Variants in RIN2 observed in about 807,000 individuals in gnomAD.
RIN2 encodes RAB5 interacting protein 2.
RIN2 carries 36 observed loss-of-function variants against 78.0 expected under a neutral mutation model. That is an observed-to-expected ratio of 0.46 (90% confidence interval 0.35 to 0.61). RIN2 has a LOEUF of 0.61. RIN2 is among the 20% of genes least tolerant of loss of function. RIN2 has a pLI of 0.00. For missense variants in RIN2, 1,087 were observed against 1,159.7 expected (o/e 0.94, Z 0.91); for synonymous variants, 466 against 466.8 (o/e 1.00, Z 0.02).
chr20:19,787,353 G>T (rs145239882), intron 1 of RIN2, among the ~76,000 whole-genome samples: 7 of 150,406 alleles, frequency 4.7e-5, no homozygotes, highest in African/African-American at 1.7e-4. Flanking sequence ...AACCCAGGAG[G>T]CAGAGGTTGC....
intron 2 of RIN2, among the ~76,000 whole-genome samples, chr20:19,887,756 A>C (rs1027745042): frequency 1.3e-5 from 2 of 152,240 alleles, no homozygotes; most frequent in Non-Finnish European, 2.9e-5. Flanking sequence ...AGTCTGGATG[A>C]GGAATGAAGT....
intron 3 of RIN2, among the ~76,000 whole-genome samples, chr20:19,904,130 G>A (rs1419326477): frequency 6.6e-6 from 1 of 151,818 alleles, no homozygotes; most frequent in African/African-American, 2.4e-5. Context: ...CACTCGGGAG[G>A]CTGAGGCAGG....
intron 3 of RIN2, among the ~76,000 whole-genome samples, chr20:19,933,220 G>A (rs2146110008): frequency 6.6e-6 from 1 of 152,198 alleles, no homozygotes; most frequent in South Asian, 2.1e-4. Context: ...CCTACTTAAG[G>A]CCTTCCAATG....
intron 1 of RIN2, among the ~76,000 whole-genome samples, chr20:19,764,291 T>G (rs2033772937): frequency 6.6e-6 from 1 of 152,248 alleles, no homozygotes; most frequent in African/African-American, 2.4e-5. Flanking sequence ...AAGAATACTT[T>G]TAAAACATGA....
chr20:19,845,331 C>G (rs1325769574), intron 2 of RIN2, among the ~76,000 whole-genome samples: 2 of 152,158 alleles, frequency 1.3e-5, no homozygotes, highest in African/African-American at 2.4e-5. Context: ...GATGGTTGAA[C>G]TAATTTACAC....
chr20:19,995,674 AG>A (rs1166637427), intron 11 of RIN2, among the ~76,000 whole-genome samples: 1 of 152,120 alleles, frequency 6.6e-6, no homozygotes, highest in African/African-American at 2.4e-5. Context: ...ATGTTATGTT[AG>A]TCCCAAAGGA....
At chr20:19,771,990 C>T (rs2122425009) in intron 1 of RIN2, among the ~76,000 whole-genome samples, 1 of 152,296 alleles carries the variant, frequency 6.6e-6, no homozygotes, top group East Asian at 1.9e-4. Context: ...ACTACCAAGC[C>T]ACCTGCATGC....
intron 9 of RIN2, among the ~76,000 whole-genome samples, chr20:19,986,920 A>G (rs1389202754): frequency 6.6e-6 from 1 of 152,246 alleles, no homozygotes; most frequent in Non-Finnish European, 1.5e-5. Context: ...GATCCAGAAC[A>G]TCTCTAATCC....
intron 1 of RIN2, among the ~76,000 whole-genome samples, chr20:19,760,312 G>A (rs1010107355): frequency 6.6e-6 from 1 of 152,162 alleles, no homozygotes; most frequent in African/African-American, 2.4e-5. Context: ...GAGACACGGG[G>A]AAAACCAACC....
chr20:19,961,288 T>G (rs1332049670), intron 6 of RIN2, among the ~76,000 whole-genome samples: 1 of 152,204 alleles, frequency 6.6e-6, no homozygotes, highest in African/African-American at 2.4e-5. Flanking sequence ...TTCTATGAAA[T>G]GCAGCTAATC....
At chr20:19,904,194 T>C (rs1255516081) in intron 3 of RIN2, among the ~76,000 whole-genome samples, 1 of 150,010 alleles carries the variant, frequency 6.7e-6, no homozygotes, top group Non-Finnish European at 1.5e-5. Context: ...ATCATGCCAT[T>C]GCACTCCAGC....
At chr20:19,763,112 C>CAGTG (rs1374237200) in intron 1 of RIN2, among the ~76,000 whole-genome samples, 1 of 152,146 alleles carries the variant, frequency 6.6e-6, no homozygotes, top group Non-Finnish European at 1.5e-5. Flanking sequence ...TGGCCAGGTG[C>CAGTG]AGTGGCTCAT....
chr20:19,944,121 T>C (rs2040992719), intron 4 of RIN2, among the ~76,000 whole-genome samples: 1 of 152,122 alleles, frequency 6.6e-6, no homozygotes, highest in South Asian at 2.1e-4. Flanking sequence ...GAAGTTTTTC[T>C]GGGAATTTTT....
chr20:19,875,112 C>T (rs1007223962), intron 2 of RIN2, among the ~76,000 whole-genome samples: 11 of 152,034 alleles, frequency 7.2e-5, no homozygotes, highest in East Asian at 3.9e-4. Flanking sequence ...CCACCCACCT[C>T]GGTCCCCCAA....
At chr20:19,910,714 G>A (rs916281268) in intron 3 of RIN2, among the ~76,000 whole-genome samples, 6 of 150,106 alleles carry the variant, frequency 4.0e-5, no homozygotes, top group African/African-American at 1.2e-4. Context: ...GATTACAGGC[G>A]CCCACTACCA....
intron 2 of RIN2, among the ~76,000 whole-genome samples, chr20:19,876,613 A>G (rs2037861775): frequency 6.6e-6 from 1 of 152,114 alleles, no homozygotes; most frequent in Admixed American, 6.5e-5. Flanking sequence ...AAATCAAAAT[A>G]CCACATACCG....
chr20:19,796,586 G>C (rs2035061290), intron 1 of RIN2, among the ~76,000 whole-genome samples: 1 of 152,180 alleles, frequency 6.6e-6, no homozygotes, highest in African/African-American at 2.4e-5. Flanking sequence ...TTATTACCAT[G>C]GATGGATGGT....
At chr20:19,831,633 C>A (rs970714904) in intron 2 of RIN2, among the ~76,000 whole-genome samples, 4 of 152,178 alleles carry the variant, frequency 2.6e-5, no homozygotes, top group African/African-American at 9.7e-5. Flanking sequence ...CCGTCAAGTA[C>A]TTGAGATTAT....
intron 3 of RIN2, among the ~76,000 whole-genome samples, chr20:19,903,007 G>T (rs561004664): frequency 5.3e-5 from 8 of 152,142 alleles, no homozygotes; most frequent in African/African-American, 1.2e-4. Context: ...GCAGGAGAAT[G>T]GCATGAACTC....
Sources: allele counts gnomAD v4.1 joint callset (sites outside exome capture counted in the v4.1 genomes callset), GRCh38; gene constraint gnomAD v4.1.1; transcripts MANE v1.5; gene names NCBI Gene and HGNC (gene_info 2026-07-23, HGNC 2026-07-21).